ROBO2: variants seen among roughly 807,000 people sequenced by gnomAD.
ROBO2 encodes the protein roundabout homolog 2.
A neutral mutation model predicts 160.8 loss-of-function variants in ROBO2; 53 were observed. The observed-to-expected ratio is 0.33, with a 90% confidence interval of 0.26 to 0.41. ROBO2 has a LOEUF of 0.41. Among genes scored for constraint, ROBO2 ranks in the 10% least tolerant of loss-of-function variants. The pLI is 1.00. For synonymous variants in ROBO2, 664 were observed against 611.7 expected (o/e 1.09, Z -1.26); for missense variants, 1,577 against 1,722.4 (o/e 0.92, Z 1.49).
chr3:77,021,673 C>T (rs558115408), intron 2 of ROBO2, among the ~76,000 whole-genome samples: 1 of 152,282 alleles, frequency 6.6e-6, no homozygotes, highest in East Asian at 1.9e-4. Context: ...TGTAATGATA[C>T]TCAGAAGGTG....
At chr3:77,219,666 T>G (rs2085520918) in intron 2 of ROBO2, among the ~76,000 whole-genome samples, 1 of 151,244 alleles carries the variant, frequency 6.6e-6, no homozygotes, top group South Asian at 2.1e-4. Flanking sequence ...TAGCATCAGT[T>G]TGCTGATTTG....
intron 11 of ROBO2, chr3:77,564,364 A>T: frequency 2.4e-6 from 1 of 417,628 alleles, no homozygotes; most frequent in Non-Finnish European, 4.8e-6. Flanking sequence ...TGAGATGAGA[A>T]ATCACAATAC....
At chr3:77,098,180 C>T (rs1005805298) in exon 2 of ROBO2, 14 of 1,614,154 alleles carry the variant, frequency 8.7e-6, no homozygotes, top group Non-Finnish European at 1.2e-5. Flanking sequence ...CTGACAAGGA[C>T]GATCCCCGGT....
intron 2 of ROBO2, among the ~76,000 whole-genome samples, chr3:76,208,289 T>A (rs1702929209): frequency 6.6e-6 from 1 of 152,188 alleles, no homozygotes; most frequent in African/African-American, 2.4e-5. Context: ...GGAGGAATGC[T>A]CTCCTTGTAA....
intron 2 of ROBO2, among the ~76,000 whole-genome samples, chr3:76,283,153 A>ATATATATATATATATATAC (rs1559717396): frequency 1.7e-4 from 2 of 12,064 alleles, no homozygotes; most frequent in Non-Finnish European, 9.6e-4. Context: ...TATATATATA[A>ATATATATATATATATATAC]AACTACATAT....
intron 2 of ROBO2, among the ~76,000 whole-genome samples, chr3:76,068,284 G>T (rs1404420988): frequency 6.6e-6 from 1 of 152,140 alleles, no homozygotes; most frequent in Non-Finnish European, 1.5e-5. Flanking sequence ...GGAGACAGTG[G>T]GGTAATGGAG....
At chr3:77,544,861 C>T (rs1362413103) in intron 6 of ROBO2, among the ~76,000 whole-genome samples, 3 of 152,112 alleles carry the variant, frequency 2.0e-5, no homozygotes, top group African/African-American at 7.2e-5. Flanking sequence ...ACTGTGTTTT[C>T]TGCTCAACAA....
chr3:76,960,180 T>A (rs1415421259), intron 2 of ROBO2, among the ~76,000 whole-genome samples: 1 of 151,780 alleles, frequency 6.6e-6, no homozygotes, highest in African/African-American at 2.4e-5. Context: ...AGATGCAAAA[T>A]CTTCACACAA....
chr3:77,599,783 A>T (rs1484348761), intron 19 of ROBO2, among the ~76,000 whole-genome samples: 1 of 152,128 alleles, frequency 6.6e-6, no homozygotes, highest in Non-Finnish European at 1.5e-5. Flanking sequence ...ATCAAAGGAA[A>T]CCATAAAAAA....
At chr3:77,462,531 A>T (rs1304440114) in intron 2 of ROBO2, among the ~76,000 whole-genome samples, 1 of 152,108 alleles carries the variant, frequency 6.6e-6, no homozygotes, top group African/African-American at 2.4e-5. Context: ...TCACTGAATG[A>T]CTCTTGTAAG....
In ROBO2 at chr3:76,248,504, G is replaced by C. The variant is rs71195256; in HGVS notation, c.109+310902G>C. Among the ~76,000 whole-genome samples the C allele has an allele frequency of 2.2e-5, 3 of 136,146 alleles. No individual in the cohort carries two copies. In the East Asian group the frequency reaches 7.3e-4, roughly 33 times the overall value. 89.3% of individuals were successfully genotyped at this position (136,146 alleles called of 152,430 possible). A position where few individuals can be genotyped will look rare whatever the true frequency, so the allele number is the denominator to read the frequency against. ...TGGGGACTGTGGTGGGGTCGGGGGA[G>C]GGGGGAGGGATAGCATTGGGAGATA... On this transcript the variant is annotated intron_variant, in intron 2 of 26. Transcript: ENST00000487694.
At chr3:76,058,239 A>G (rs2067924753) in intron 2 of ROBO2, among the ~76,000 whole-genome samples, 1 of 152,028 alleles carries the variant, frequency 6.6e-6, no homozygotes, top group African/African-American at 2.4e-5. Flanking sequence ...TGCTCCTAAT[A>G]CTGTCCCTCC....
chr3:76,650,403 C>T (rs1185369337), intron 2 of ROBO2, among the ~76,000 whole-genome samples: 1 of 152,010 alleles, frequency 6.6e-6, no homozygotes, highest in African/African-American at 2.4e-5. Flanking sequence ...GTGTAGCATT[C>T]TCTGGCTTTG....
At chr3:76,881,021 C>T (rs992921144) in intron 2 of ROBO2, among the ~76,000 whole-genome samples, 1 of 152,088 alleles carries the variant, frequency 6.6e-6, no homozygotes, top group Non-Finnish European at 1.5e-5. Flanking sequence ...CTGTTTCTTC[C>T]AGCAGAGTTT....
intron 2 of ROBO2, among the ~76,000 whole-genome samples, chr3:76,861,671 T>C (rs2070793154): frequency 6.6e-6 from 1 of 152,188 alleles, no homozygotes; most frequent in Admixed American, 6.5e-5. Flanking sequence ...TATAACTACC[T>C]ACTGAACAAC....
chr3:75,941,394 G>T (rs1479288491), intron 2 of ROBO2, among the ~76,000 whole-genome samples: 1 of 152,162 alleles, frequency 6.6e-6, no homozygotes, highest in Non-Finnish European at 1.5e-5. Flanking sequence ...TCAAAAGCAA[G>T]TTAGCCCAAG....
chr3:76,779,179 G>T (rs2062469349), intron 2 of ROBO2, among the ~76,000 whole-genome samples: 1 of 150,896 alleles, frequency 6.6e-6, no homozygotes, highest in Admixed American at 6.6e-5. Flanking sequence ...AAAAAATATT[G>T]AAGTAAGATT....
chr3:77,499,532 T>A (rs550271833), intron 5 of ROBO2, among the ~76,000 whole-genome samples: 1 of 151,990 alleles, frequency 6.6e-6, no homozygotes, highest in Non-Finnish European at 1.5e-5. Flanking sequence ...GGGAAAAAAA[T>A]TAATGCTAAA....
At chr3:77,248,288 C>T (rs1038140510) in intron 2 of ROBO2, among the ~76,000 whole-genome samples, 1 of 152,194 alleles carries the variant, frequency 6.6e-6, no homozygotes, top group Non-Finnish European at 1.5e-5. Context: ...CATGCAACCT[C>T]ATTCCTTCTG....
Sources: gnomAD v4.1 joint callset for allele counts (sites outside exome capture counted in the v4.1 genomes callset) on GRCh38, gnomAD v4.1.1 for gene constraint, MANE v1.5 for transcripts, NCBI Gene and HGNC (gene_info 2026-07-23, HGNC 2026-07-21) for gene names.